Variants in DYNC1I1 observed in about 807,000 individuals in gnomAD.
DYNC1I1 encodes dynein cytoplasmic 1 intermediate chain 1, also known as cytoplasmic dynein 1 intermediate chain 1.
In DYNC1I1, 43 loss-of-function variants were observed where a neutral mutation model predicts 86.6. That is an observed-to-expected ratio of 0.50 (90% CI 0.39 to 0.64). DYNC1I1 has a LOEUF of 0.64. DYNC1I1 is among the 30% of genes least tolerant of loss of function. DYNC1I1 has a pLI of 0.00. For missense variants in DYNC1I1, 604 were observed against 788.8 expected, an observed-to-expected ratio of 0.77 and a Z score of 2.81; for synonymous variants, 262 against 283.7, an observed-to-expected ratio of 0.92 and a Z score of 0.77.
At chr7:95,879,458 G>A (rs917055950) in intron 6 of DYNC1I1, among the ~76,000 whole-genome samples, 4 of 152,102 alleles carry the variant, frequency 2.6e-5, no homozygotes, top group Admixed American at 2.0e-4. Context: ...ATATTTTGGG[G>A]ATAGTAGAGA....
chr7:95,899,574 C>T (rs1320579562), intron 6 of DYNC1I1, among the ~76,000 whole-genome samples: 1 of 152,146 alleles, frequency 6.6e-6, no homozygotes, highest in East Asian at 1.9e-4. Flanking sequence ...TAGCTTGAGT[C>T]AATGACTCCT....
intron 10 of DYNC1I1, among the ~76,000 whole-genome samples, chr7:96,000,933 G>A (rs1374651663): frequency 3.3e-5 from 5 of 152,162 alleles, no homozygotes; most frequent in Admixed American, 2.6e-4. Context: ...TGATGAAGAG[G>A]ATACCATGAG....
intron 14 of DYNC1I1, among the ~76,000 whole-genome samples, chr7:96,047,543 T>C (rs1351995403): frequency 6.6e-6 from 1 of 151,848 alleles, no homozygotes; most frequent in African/African-American, 2.4e-5. Context: ...AAGAAGAGGG[T>C]CACGTGGACC....
intron 1 of DYNC1I1, among the ~76,000 whole-genome samples, chr7:95,789,158 A>T (rs1794224645): frequency 6.6e-6 from 1 of 152,234 alleles, no homozygotes; most frequent in Non-Finnish European, 1.5e-5. Context: ...ATGCTGCTTC[A>T]TACCACTGAG....
intron 6 of DYNC1I1, among the ~76,000 whole-genome samples, chr7:95,872,147 T>C (rs553668731): frequency 6.6e-6 from 1 of 152,316 alleles, no homozygotes; most frequent in South Asian, 2.1e-4. Flanking sequence ...AGTGGACAGT[T>C]GGCACTGAGG....
chr7:95,826,941 A>G (rs1253215267), intron 4 of DYNC1I1, among the ~76,000 whole-genome samples: 1 of 152,184 alleles, frequency 6.6e-6, no homozygotes, highest in African/African-American at 2.4e-5. Flanking sequence ...TACAGTAAGT[A>G]TTTATAGACA....
At position 96,084,427 on chromosome 7, in the gene DYNC1I1, C is replaced by CTTTTTTTTTCTTTTCTTTT. The variant is rs1584309345; in HGVS notation, c.1776+3949_1776+3967dup. 1.4e-4 allele frequency among the ~76,000 whole-genome samples: 20 copies of CTTTTTTTTTCTTTTCTTTT among 139,410 alleles called. No homozygotes were observed. In the East Asian group the frequency reaches 4.4e-3, roughly 31 times the overall value. 91.5% of individuals were successfully genotyped at this position (139,410 alleles called of 152,430 possible). On this transcript the variant is annotated intron_variant, in intron 16 of 16. Coordinates refer to ENST00000447467, the MANE Select transcript of DYNC1I1 (RefSeq NM_001135556.2). The stretch of plus-strand genomic sequence containing the variant: ...TACAATCTTCTCATTACCTGTTTCT[C>CTTTTTTTTTCTTTTCTTTT]TTTTTTTTTCTTTTCTTTTTTTTTT...
Position 95,966,798 on chromosome 7 carries a change from G to A in DYNC1I1, c.491-10714G>A, listed in dbSNP as rs73708414. On this transcript the variant is annotated intron_variant, in intron 6 of 16. Coordinates refer to ENST00000447467, the MANE Select transcript of DYNC1I1 (RefSeq NM_001135556.2). ...TGGAATACATCTTACCACACAATAT[G>A]TGGTCAGTAAGTACCTGGTGACCGG... 9.3e-3 allele frequency among the ~76,000 whole-genome samples: 1,410 copies of A among 152,294 alleles called. 21 individuals carry two copies. The highest frequency in any genetic ancestry group is 0.032 in the African/African-American group (1,314 of 41,566).
At chr7:95,788,282 T>G (rs1440326681) in intron 1 of DYNC1I1, among the ~76,000 whole-genome samples, 1 of 151,918 alleles carries the variant, frequency 6.6e-6, no homozygotes, top group Non-Finnish European at 1.5e-5. Context: ...TTTGACAGGG[T>G]GATAGCAGGG....
intron 6 of DYNC1I1, among the ~76,000 whole-genome samples, chr7:95,879,900 G>A (rs1022433628): frequency 3.9e-5 from 6 of 152,124 alleles, no homozygotes; most frequent in Admixed American, 6.5e-5. Context: ...ACTTATCAAT[G>A]GTTCTAAGCA....
intron 5 of DYNC1I1, among the ~76,000 whole-genome samples, chr7:95,845,981 A>G (rs1789414296): frequency 6.6e-6 from 1 of 152,152 alleles, no homozygotes; most frequent in African/African-American, 2.4e-5. Context: ...TTTCTTTTTC[A>G]TTCAATTTCA....
intron 6 of DYNC1I1, among the ~76,000 whole-genome samples, chr7:95,919,476 C>A (rs1481715535): frequency 6.6e-6 from 1 of 152,134 alleles, no homozygotes; most frequent in Non-Finnish European, 1.5e-5. Flanking sequence ...AAATCAGCTT[C>A]TTTTCATGGC....
In DYNC1I1 at chr7:95,996,059, G is replaced by C. The variant is rs148644569; in HGVS notation, c.955G>C (p.Val319Leu). The C allele has an allele frequency of 4.3e-6, 7 of 1,614,026 alleles. No homozygotes were observed. The highest frequency in any genetic ancestry group is 5.9e-6 in the Non-Finnish European group (7 of 1,179,940). Residue 319 changes from valine to leucine, a missense_variant, in exon 10 of 17, where the codon GTC becomes CTC. Transcript: ENST00000447467. ...MKFKKTTPEY[V>L]FHCQSSVMSV... ...GTTTAAGAAAACCACACCAGAATACGTCTTCCACTGTCAGGTAGGAGTCAG... is the reference window on the plus strand; with the variant it reads ...GTTTAAGAAAACCACACCAGAATACCTCTTCCACTGTCAGGTAGGAGTCAG...
chr7:95,908,275 T>C (rs771547098), intron 6 of DYNC1I1, among the ~76,000 whole-genome samples: 1 of 152,200 alleles, frequency 6.6e-6, no homozygotes, highest in African/African-American at 2.4e-5. Flanking sequence ...TGGAGCTCTC[T>C]AGTTTTGCAA....
At chr7:95,827,569 A>G (rs1795228117) in intron 4 of DYNC1I1, among the ~76,000 whole-genome samples, 1 of 152,154 alleles carries the variant, frequency 6.6e-6, no homozygotes, top group Non-Finnish European at 1.5e-5. Context: ...AATGCATTAT[A>G]TTTGTAGTAC....
chr7:95,923,834 T>C (rs1332331810), intron 6 of DYNC1I1, among the ~76,000 whole-genome samples: 1 of 152,040 alleles, frequency 6.6e-6, no homozygotes, highest in Non-Finnish European at 1.5e-5. Context: ...AAGGTTATAA[T>C]GAAGTATTAT....
At position 95,841,950 on chromosome 7, in the gene DYNC1I1, G is replaced by T. The variant is rs148050025; in HGVS notation, c.374+13834G>T. On this transcript the variant is annotated intron_variant, in intron 5 of 16. Coordinates refer to ENST00000447467, the MANE Select transcript of DYNC1I1 (RefSeq NM_001135556.2). ...GCTGCCTCTGTTCTCTGCCATTCCA[G>T]GGGTCTAATAAGTGCTGGGCCCCAT... Among the ~76,000 whole-genome samples the T allele has an allele frequency of 6.1e-3, 925 of 152,304 alleles. 10 individuals are homozygous for T. Among genetic ancestry groups the T allele is most frequent in the African/African-American group, 0.021 (870 of 41,568 alleles).
intron 10 of DYNC1I1, among the ~76,000 whole-genome samples, chr7:96,023,480 C>T (rs1794603150): frequency 6.6e-6 from 1 of 152,138 alleles, no homozygotes; most frequent in South Asian, 2.1e-4. Context: ...GGGGAAGTAC[C>T]ATCTCTAAGC....
At chr7:95,823,955 T>C (rs1415965254) in intron 4 of DYNC1I1, among the ~76,000 whole-genome samples, 6 of 102,388 alleles carry the variant, frequency 5.9e-5, no homozygotes, top group Admixed American at 1.2e-4. Flanking sequence ...TACTAAACTA[T>C]ATATATATAT....
Sources: gnomAD v4.1 joint callset for allele counts (sites outside exome capture counted in the v4.1 genomes callset) on GRCh38, gnomAD v4.1.1 for gene constraint, MANE v1.5 for transcripts, NCBI Gene and HGNC (gene_info 2026-07-23, HGNC 2026-07-21) for gene names.